MYRIP: variants seen among roughly 807,000 people sequenced by gnomAD.
MYRIP encodes the protein rab effector MyRIP.
Under a neutral mutation model 98.0 loss-of-function variants are expected in MYRIP, and 49 were observed. The observed-to-expected ratio is 0.50, with a 90% confidence interval of 0.40 to 0.63. MYRIP has a LOEUF of 0.63. MYRIP is among the 30% of genes least tolerant of loss of function. The pLI, the probability that MYRIP is intolerant of heterozygous loss-of-function variation, is 0.00. For synonymous variants in MYRIP, 404 were observed against 409.5 expected, an observed-to-expected ratio of 0.99 and a Z score of 0.16; for missense variants, 1,004 against 1,058.2, an observed-to-expected ratio of 0.95 and a Z score of 0.71.
At chr3:40,211,056 C>T (rs749381313) in intron 11 of MYRIP, among the ~76,000 whole-genome samples, 37 of 152,152 alleles carry the variant, frequency 2.4e-4, no homozygotes, top group Non-Finnish European at 5.1e-4. Flanking sequence ...GAAATAGAAG[C>T]AGCCCATTTT....
intron 3 of MYRIP, among the ~76,000 whole-genome samples, chr3:40,124,728 G>C (rs1161465179): frequency 6.6e-6 from 1 of 152,206 alleles, no homozygotes; most frequent in East Asian, 1.9e-4. Flanking sequence ...GATCCAGAGA[G>C]GGTGAGTGCC....
intron 2 of MYRIP, among the ~76,000 whole-genome samples, chr3:40,022,648 G>A (rs568975999): frequency 2.0e-5 from 3 of 152,246 alleles, no homozygotes; most frequent in African/African-American, 2.4e-5. Context: ...GATGTGGAGC[G>A]TTCAAGCTAA....
chr3:40,029,393 C>T (rs538074538), intron 2 of MYRIP, among the ~76,000 whole-genome samples: 1 of 152,134 alleles, frequency 6.6e-6, no homozygotes, highest in African/African-American at 2.4e-5. Flanking sequence ...AATCAGGCAA[C>T]AAATAAGTAC....
intron 10 of MYRIP, chr3:40,209,130 G>A (rs1951854267): frequency 6.6e-6 from 1 of 152,200 alleles, no homozygotes; most frequent in African/African-American, 2.4e-5. Context: ...ACTAAGTTTG[G>A]CGTCAATATG....
intron 3 of MYRIP, among the ~76,000 whole-genome samples, chr3:40,084,061 C>T (rs748500838): frequency 2.8e-5 from 4 of 143,096 alleles, no homozygotes; most frequent in East Asian, 2.1e-4. Flanking sequence ...GGCGTGAACC[C>T]GGGAGGCGGA....
chr3:39,984,846 G>A (rs1425945899), intron 2 of MYRIP, among the ~76,000 whole-genome samples: 2 of 151,936 alleles, frequency 1.3e-5, no homozygotes, highest in African/African-American at 2.4e-5. Flanking sequence ...CCCACCAACA[G>A]TGTGAAAGTG....
intron 1 of MYRIP, among the ~76,000 whole-genome samples, chr3:39,819,426 GAC>G (rs1173349903): frequency 4.6e-5 from 7 of 152,160 alleles, no homozygotes; most frequent in Non-Finnish European, 1.0e-4. Flanking sequence ...CTTTAATGAG[GAC>G]AGACTACAAG....
chr3:39,834,013 G>A (rs140814235), intron 1 of MYRIP, among the ~76,000 whole-genome samples: 2,435 of 152,312 alleles, frequency 0.016, 59 homozygotes, highest in African/African-American at 0.055. Context: ...TGGGCAACAA[G>A]AGCGAAACTC....
chr3:40,080,921 C>A (rs1049912065), intron 3 of MYRIP, among the ~76,000 whole-genome samples: 4 of 148,422 alleles, frequency 2.7e-5, no homozygotes, highest in African/African-American at 9.9e-5. Flanking sequence ...TCACTAAATT[C>A]TTCTTTATAT....
At chr3:39,846,671 G>A (rs1941974799) in intron 1 of MYRIP, among the ~76,000 whole-genome samples, 1 of 152,188 alleles carries the variant, frequency 6.6e-6, no homozygotes, top group Non-Finnish European at 1.5e-5. Context: ...CTTCCCTGCT[G>A]ATCCCTAAAT....
chr3:39,990,842 T>A (rs1946156679), intron 2 of MYRIP, among the ~76,000 whole-genome samples: 1 of 152,292 alleles, frequency 6.6e-6, no homozygotes, highest in South Asian at 2.1e-4. Context: ...TGAAAACATG[T>A]CCTTTGCAGG....
At chr3:40,116,037 A>G (rs1949269676) in intron 3 of MYRIP, among the ~76,000 whole-genome samples, 1 of 152,152 alleles carries the variant, frequency 6.6e-6, no homozygotes, top group Non-Finnish European at 1.5e-5. Context: ...ATTGGCATGG[A>G]GTGGTGAAGA....
At position 39,928,650 on chromosome 3, in the gene MYRIP, C is replaced by CAAA. The variant is rs34071191; in HGVS notation, c.110+27733_110+27735dup. Among the ~76,000 whole-genome samples the CAAA allele has an allele frequency of 6.7e-3, 983 of 147,516 alleles. 9 individuals are homozygous for CAAA. The highest frequency in any genetic ancestry group is 5.3e-3 in the Admixed American group (79 of 14,778). On this transcript the variant is annotated intron_variant, in intron 2 of 16. Coordinates refer to ENST00000302541, the MANE Select transcript of MYRIP (RefSeq NM_015460.4). ...AACACACATTCCTGAAAAAAATTAT[C>CAAA]AAAAAAAAAAATAGGAATAGAGGTA...
At chr3:40,033,633 T>C (rs2125821055) in intron 2 of MYRIP, among the ~76,000 whole-genome samples, 1 of 152,326 alleles carries the variant, frequency 6.6e-6, no homozygotes, top group East Asian at 1.9e-4. Context: ...ATCATAAAAA[T>C]GGCCATACTG....
chr3:39,835,536 C>T (rs867981462), intron 1 of MYRIP, among the ~76,000 whole-genome samples: 14 of 152,206 alleles, frequency 9.2e-5, no homozygotes, highest in Non-Finnish European at 1.3e-4. Context: ...TTTGATGCTA[C>T]AGAAAATGTT....
chr3:39,963,752 ATC>A (rs746823221), intron 2 of MYRIP, among the ~76,000 whole-genome samples: 1 of 152,158 alleles, frequency 6.6e-6, no homozygotes, highest in Non-Finnish European at 1.5e-5. Flanking sequence ...ATAATCATAT[ATC>A]TGTCTTAAAA....
intron 4 of MYRIP, among the ~76,000 whole-genome samples, chr3:40,162,386 C>T (rs999850853): frequency 7.2e-5 from 11 of 152,108 alleles, no homozygotes; most frequent in African/African-American, 2.7e-4. Context: ...GCAGCCATGC[C>T]AAGCCACACA....
At chr3:40,146,869 C>T (rs556449938) in intron 3 of MYRIP, among the ~76,000 whole-genome samples, 25 of 152,304 alleles carry the variant, frequency 1.6e-4, no homozygotes, top group South Asian at 4.1e-4. Flanking sequence ...TCTGAAAGAA[C>T]ACTCATCTAA....
At chr3:39,993,806 T>C (rs1048741693) in intron 2 of MYRIP, among the ~76,000 whole-genome samples, 2 of 152,214 alleles carry the variant, frequency 1.3e-5, no homozygotes, top group East Asian at 1.9e-4. Context: ...TTCTCTGTGT[T>C]TCAGGGTCTG....
Sources: gnomAD v4.1 joint callset for allele counts (sites outside exome capture counted in the v4.1 genomes callset) on GRCh38, gnomAD v4.1.1 for gene constraint, MANE v1.5 for transcripts, NCBI Gene and HGNC (gene_info 2026-07-23, HGNC 2026-07-21) for gene names.